The following ZSCAN5A variants were observed in gnomAD, a reference collection of about 807,000 sequenced individuals.
The protein encoded by ZSCAN5A is zinc finger and SCAN domain containing 5A.
ZSCAN5A carries 12 observed loss-of-function variants against 23.7 expected under a neutral mutation model. That is an observed-to-expected ratio of 0.51 (90% confidence interval 0.32 to 0.82). The LOEUF (loss-of-function observed/expected upper bound fraction) is 0.82, where lower values mean the gene tolerates loss of function less well. Among genes scored for constraint, ZSCAN5A ranks in the 40% least tolerant of loss-of-function variants. ZSCAN5A has a pLI of 0.03. For synonymous variants in ZSCAN5A, 257 were observed against 239.9 expected, an observed-to-expected ratio of 1.07 and a Z score of -0.66; for missense variants, 597 against 617.9, an observed-to-expected ratio of 0.97 and a Z score of 0.36.
chr19:56,301,848 A>C (rs938166822), intron 2 of ZSCAN5A: 2 of 1,187,140 alleles, frequency 1.7e-6, no homozygotes, highest in Admixed American at 4.2e-5. Context: ...CAAAATTTCA[A>C]TTCAGGAGGC....
At chr19:56,342,798 G>A in intron 2 of ZSCAN5A, 1 of 758,650 alleles carries the variant, frequency 1.3e-6, no homozygotes, top group African/African-American at 1.7e-5. Context: ...TACTGAACTG[G>A]GACCAATCAT....
intron 2 of ZSCAN5A, chr19:56,245,440 C>G (rs1292749884): frequency 6.2e-6 from 4 of 644,870 alleles, no homozygotes; most frequent in Non-Finnish European, 1.1e-5. Context: ...GTGTGTGAGG[C>G]CCTGGTGTCT....
intron 2 of ZSCAN5A, chr19:56,303,076 G>A (rs2040452079): frequency 7.6e-6 from 3 of 392,452 alleles, no homozygotes; most frequent in Middle Eastern, 6.4e-4. Context: ...CTCTGCTGTG[G>A]GTTAAGGACA....
At chr19:56,267,141 C>T (rs749876669) in intron 2 of ZSCAN5A, among the ~76,000 whole-genome samples, 3 of 152,154 alleles carry the variant, frequency 2.0e-5, no homozygotes, top group South Asian at 2.1e-4. Context: ...ACTCTAGCTA[C>T]GGCAGCATCT....
chr19:56,302,655 C>T (rs1451933905), intron 2 of ZSCAN5A, among the ~76,000 whole-genome samples: 2 of 131,250 alleles, frequency 1.5e-5, no homozygotes, highest in Non-Finnish European at 3.2e-5. Flanking sequence ...TCTTCCCCCC[C>T]TCCCTGTTCT....
chr19:56,297,472 GCTT>G (rs1365761150), intron 2 of ZSCAN5A: 1 of 950,956 alleles, frequency 1.1e-6, no homozygotes, highest in East Asian at 1.2e-4. Flanking sequence ...TTCTCTTCCT[GCTT>G]CTTTTTCTCC....
intron 2 of ZSCAN5A, among the ~76,000 whole-genome samples, chr19:56,302,516 TCCTCCCTC>T (rs71184347): frequency 7.1e-5 from 5 of 70,550 alleles, no homozygotes; most frequent in African/African-American, 3.2e-4. Flanking sequence ...CTTCTTTCCT[TCCTCCCTC>T]CCTCCCTCTT....
At chr19:56,340,351 A>AGACG (rs1366305734) in intron 2 of ZSCAN5A, among the ~76,000 whole-genome samples, 1 of 152,350 alleles carries the variant, frequency 6.6e-6, no homozygotes, top group Admixed American at 6.5e-5. Flanking sequence ...CTCTCACTGC[A>AGACG]GACGGAATGA....
At chr19:56,231,266 A>T (rs566598972) in intron 2 of ZSCAN5A, among the ~76,000 whole-genome samples, 4 of 152,238 alleles carry the variant, frequency 2.6e-5, no homozygotes, top group Non-Finnish European at 5.9e-5. Context: ...ATAAGTATGC[A>T]AGTCACTCAT....
chr19:56,328,103 AAGAG>A (rs2147433030), intron 2 of ZSCAN5A, among the ~76,000 whole-genome samples: 1 of 152,290 alleles, frequency 6.6e-6, no homozygotes, highest in Non-Finnish European at 1.5e-5. Flanking sequence ...TGAAGGGAGA[AAGAG>A]AGAAGCATGG....
intron 2 of ZSCAN5A, among the ~76,000 whole-genome samples, chr19:56,268,463 A>G (rs1434094151): frequency 6.6e-6 from 1 of 152,142 alleles, no homozygotes; most frequent in Non-Finnish European, 1.5e-5. Context: ...CTGCTGGTTT[A>G]ATTTTTAAAT....
chr19:56,265,882 T>C (rs1310846362), intron 2 of ZSCAN5A, among the ~76,000 whole-genome samples: 2 of 152,166 alleles, frequency 1.3e-5, no homozygotes, highest in Non-Finnish European at 2.9e-5. Flanking sequence ...GCAAGGAGCT[T>C]TGAGGGACCC....
At chr19:56,234,101 T>C (rs1344857316) in intron 2 of ZSCAN5A, among the ~76,000 whole-genome samples, 1 of 152,040 alleles carries the variant, frequency 6.6e-6, no homozygotes, top group Admixed American at 6.6e-5. Flanking sequence ...AGAATGTCAG[T>C]AGGAGAGGAG....
intron 2 of ZSCAN5A, among the ~76,000 whole-genome samples, chr19:56,311,164 C>A: frequency 6.6e-6 from 1 of 152,084 alleles, no homozygotes; most frequent in South Asian, 2.1e-4. Flanking sequence ...GCAGCGGAGA[C>A]ACAGGCATGC....
chr19:56,339,274 A>G (rs12971748), intron 2 of ZSCAN5A, among the ~76,000 whole-genome samples: 12,940 of 146,836 alleles, frequency 0.088, 664 homozygotes, highest in South Asian at 0.15. Flanking sequence ...AGCTGTAGCC[A>G]TATTTAGCAA....
At chr19:56,243,971 G>T (rs2035637544) in intron 2 of ZSCAN5A, 3 of 628,706 alleles carry the variant, frequency 4.8e-6, no homozygotes, top group Non-Finnish European at 8.5e-6. Context: ...GGCCTGTCTA[G>T]ATAGGTCTCA....
chr19:56,238,036 C>G (rs1160872045), intron 2 of ZSCAN5A, among the ~76,000 whole-genome samples: 3 of 5,264 alleles, frequency 5.7e-4, no homozygotes, highest in Non-Finnish European at 1.3e-3. Context: ...AAAAAGCAAG[C>G]CAGGAGTCGT....
At chr19:56,257,093 G>A (rs1313665780) in intron 2 of ZSCAN5A, among the ~76,000 whole-genome samples, 2 of 152,142 alleles carry the variant, frequency 1.3e-5, no homozygotes, top group African/African-American at 2.4e-5. Flanking sequence ...CATTTCTAGC[G>A]GGGTTAGATA....
At chr19:56,261,149 A>T (rs950616480) in intron 2 of ZSCAN5A, among the ~76,000 whole-genome samples, 2 of 151,896 alleles carry the variant, frequency 1.3e-5, no homozygotes, top group African/African-American at 4.8e-5. Context: ...CGGAGGTTGC[A>T]GTGAGCTGAG....
Sources: allele counts gnomAD v4.1 joint callset (sites outside exome capture counted in the v4.1 genomes callset), GRCh38; gene constraint gnomAD v4.1.1; transcripts MANE v1.5; gene names NCBI Gene and HGNC (gene_info 2026-07-23, HGNC 2026-07-21).